The following NDUFAF6 variants were observed in gnomAD, a reference collection of about 807,000 sequenced individuals.
The protein encoded by NDUFAF6 is NADH dehydrogenase (ubiquinone) complex I, assembly factor 6.
A neutral mutation model predicts 40.8 loss-of-function variants in NDUFAF6; 45 were observed. The observed-to-expected ratio is 1.10, with a 90% CI of 0.87 to 1.42. The LOEUF (loss-of-function observed/expected upper bound fraction) is 1.42, where lower values mean the gene tolerates loss of function less well. NDUFAF6 is among the 40% of genes most tolerant of loss of function. The pLI is 0.00. For synonymous variants in NDUFAF6, 185 were observed against 155.9 expected, an observed-to-expected ratio of 1.19 and a Z score of -1.39; for missense variants, 435 against 418.5, an observed-to-expected ratio of 1.04 and a Z score of -0.34.
intron 1 of NDUFAF6, among the ~76,000 whole-genome samples, chr8:95,028,201 A>C (rs1340295395): frequency 1.3e-5 from 2 of 152,218 alleles, no homozygotes; most frequent in Non-Finnish European, 2.9e-5. Flanking sequence ...ACCCATCTTC[A>C]GTGTCTGGAA....
intron 2 of NDUFAF6, among the ~76,000 whole-genome samples, chr8:95,007,626 T>C (rs184389133): frequency 6.7e-6 from 1 of 149,640 alleles, no homozygotes; most frequent in Non-Finnish European, 1.5e-5. Context: ...ACCATGCCAC[T>C]GCACTCCAGC....
intron 2 of NDUFAF6, among the ~76,000 whole-genome samples, chr8:95,003,748 C>T (rs1036363083): frequency 3.3e-5 from 5 of 152,190 alleles, no homozygotes; most frequent in Non-Finnish European, 7.3e-5. Context: ...ATGCCACACT[C>T]TCTTGCTTCC....
chr8:94,909,917 G>A (rs559388704), intron 1 of NDUFAF6, among the ~76,000 whole-genome samples: 1 of 152,042 alleles, frequency 6.6e-6, no homozygotes, highest in South Asian at 2.1e-4. Context: ...CTGAGAGAGT[G>A]CATTGAGCTT....
At position 94,902,098 on chromosome 8, in the gene NDUFAF6, T is replaced by C. The variant is rs1330244149; in HGVS notation, c.-936+6171T>C. ...TCAGTACATGTCTCCCTAAGTACTTTAGCATGCCTAGCATTAACAGTTCAA... is the reference window on the plus strand; with the variant it reads ...TCAGTACATGTCTCCCTAAGTACTTCAGCATGCCTAGCATTAACAGTTCAA... On this transcript the variant is annotated intron_variant, in intron 1 of 14. Coordinates refer to the NDUFAF6 transcript ENST00000396113. Among the ~76,000 whole-genome samples the C allele has an allele frequency of 3.3e-5, 5 of 152,108 alleles. 1 individual carries two copies. The East Asian group carries it at 7.7e-4, about 24-fold the overall frequency.
At chr8:95,104,279 GA>G (rs754364057), downstream of NDUFAF6, among the ~76,000 whole-genome samples, 2 of 152,152 alleles carry the variant, frequency 1.3e-5, no homozygotes, top group Non-Finnish European at 1.5e-5. Context: ...AACAACTTGG[GA>G]TCCTCATTCT....
upstream of NDUFAF6, among the ~76,000 whole-genome samples, chr8:95,023,922 C>T (rs377269075): frequency 3.5e-4 from 52 of 150,490 alleles, 1 homozygote; most frequent in East Asian, 8.4e-3. Context: ...ACCCGGGAGG[C>T]GGAGGTTGCA....
chr8:94,968,822 T>C (rs1325232026), intron 1 of NDUFAF6, among the ~76,000 whole-genome samples: 1 of 152,080 alleles, frequency 6.6e-6, no homozygotes, highest in Admixed American at 6.6e-5. Context: ...CATGGAGTCA[T>C]GTTGATGCAG....
intron 1 of NDUFAF6, among the ~76,000 whole-genome samples, chr8:94,933,175 C>T (rs557386822): frequency 1.5e-4 from 23 of 152,250 alleles, no homozygotes; most frequent in Admixed American, 6.5e-4. Flanking sequence ...GAGATTGCGC[C>T]GCTGCAATCC....
At chr8:94,909,348 C>CAAAAAAAAAAAAAAA (rs556065794) in intron 1 of NDUFAF6, among the ~76,000 whole-genome samples, 3 of 91,910 alleles carry the variant, frequency 3.3e-5, no homozygotes, top group African/African-American at 5.1e-5. Context: ...GACTCCGTCT[C>CAAAAAAAAAAAAAAA]AAAAAAAAAA....
At chr8:95,047,824 A>G (rs954949031) in intron 6 of NDUFAF6, among the ~76,000 whole-genome samples, 11 of 151,912 alleles carry the variant, frequency 7.2e-5, no homozygotes, top group Non-Finnish European at 1.6e-4. Flanking sequence ...TTTGTTTTCT[A>G]TATGAGATTC....
intron 4 of NDUFAF6, 72 bp from the exon 5 acceptor site, chr8:95,045,473 C>A: frequency 9.5e-7 from 1 of 1,055,334 alleles, no homozygotes; most frequent in Non-Finnish European, 1.5e-6. Context: ...TTCTTTGGGG[C>A]AAAAAACAGC....
At chr8:94,983,735 G>A (rs537408671) in intron 2 of NDUFAF6, among the ~76,000 whole-genome samples, 2 of 152,296 alleles carry the variant, frequency 1.3e-5, no homozygotes, top group African/African-American at 4.8e-5. Flanking sequence ...ATCATACTAT[G>A]AGTGGTAGAG....
chr8:94,974,906 T>C (rs1824796291), intron 1 of NDUFAF6: 2 of 152,436 alleles, frequency 1.3e-5, no homozygotes, highest in Admixed American at 1.3e-4. Context: ...CACCTGTAGA[T>C]GTTTGTCCAA....
chr8:94,980,102 G>A (rs2340534), intron 1 of NDUFAF6, among the ~76,000 whole-genome samples: 68,862 of 145,852 alleles, frequency 0.47, 16,807 homozygotes, highest in East Asian at 0.72. Context: ...GTCTCAAAGC[G>A]AAAAAAAAAA....
At chr8:95,043,899 A>G (rs549907183) in intron 4 of NDUFAF6, among the ~76,000 whole-genome samples, 9 of 152,350 alleles carry the variant, frequency 5.9e-5, no homozygotes, top group Non-Finnish European at 7.3e-5. Flanking sequence ...GTTTATACCC[A>G]AGATAAATGA....
At chr8:94,941,047 G>T in intron 1 of NDUFAF6, 1 of 760,212 alleles carries the variant, frequency 1.3e-6, no homozygotes, top group African/African-American at 1.8e-5. Context: ...AAAGTGCACA[G>T]GGTGCTTATT....
At chr8:94,996,660 G>A (rs559763702) in intron 2 of NDUFAF6, among the ~76,000 whole-genome samples, 4 of 152,136 alleles carry the variant, frequency 2.6e-5, no homozygotes, top group Admixed American at 6.6e-5. Context: ...TGCCCCCACC[G>A]CCTTCCCCCA....
intron 2 of NDUFAF6, among the ~76,000 whole-genome samples, chr8:95,016,320 G>C (rs1388384711): frequency 1.3e-5 from 2 of 152,226 alleles, no homozygotes; most frequent in Non-Finnish European, 2.9e-5. Flanking sequence ...GATGAAATGA[G>C]TTAGAAAGAG....
chr8:95,013,707 A>G (rs890041035), intron 2 of NDUFAF6, among the ~76,000 whole-genome samples: 3 of 152,208 alleles, frequency 2.0e-5, no homozygotes, highest in Non-Finnish European at 2.9e-5. Flanking sequence ...CAGTAAAAAC[A>G]TAAGTATATA....
Sources: allele counts gnomAD v4.1 joint callset (sites outside exome capture counted in the v4.1 genomes callset), GRCh38; gene constraint gnomAD v4.1.1; transcripts MANE v1.5; gene names NCBI Gene and HGNC (gene_info 2026-07-23, HGNC 2026-07-21).